PTPRD: variants seen among roughly 807,000 people sequenced by gnomAD.
The protein encoded by PTPRD is receptor-type tyrosine-protein phosphatase delta.
In PTPRD, 34 loss-of-function variants were observed where a neutral mutation model predicts 214.5. That is an observed-to-expected ratio of 0.16 (90% CI 0.12 to 0.21). The LOEUF is 0.21. PTPRD is among the 10% of genes least tolerant of loss of function. The pLI is 1.00. For missense variants in PTPRD, 2,545 were observed against 2,398.7 expected, an observed-to-expected ratio of 1.06 and a Z score of -1.27; for synonymous variants, 1,128 against 845.7, an observed-to-expected ratio of 1.33 and a Z score of -5.79.
At chr9:8,617,570 C>T (rs562344862) in intron 14 of PTPRD, among the ~76,000 whole-genome samples, 2 of 152,072 alleles carry the variant, frequency 1.3e-5, no homozygotes, top group African/African-American at 2.4e-5. Context: ...TCTGTAGCAC[C>T]TCTTGTCTAA....
chr9:9,014,711 A>C (rs908991711), intron 11 of PTPRD, among the ~76,000 whole-genome samples: 1 of 152,162 alleles, frequency 6.6e-6, no homozygotes, highest in African/African-American at 2.4e-5. Context: ...GTGTATGAAC[A>C]TGATGAAATG....
At chr9:9,762,619 GT>G (rs1013901786) in intron 6 of PTPRD, among the ~76,000 whole-genome samples, 91 of 152,236 alleles carry the variant, frequency 6.0e-4, no homozygotes, top group African/African-American at 2.1e-3. Context: ...ATTCAGCCAA[GT>G]TCTTTGCTGC....
chr9:9,129,086 G>C (rs1592096179), intron 10 of PTPRD, among the ~76,000 whole-genome samples: 1 of 152,158 alleles, frequency 6.6e-6, no homozygotes, highest in African/African-American at 2.4e-5. Flanking sequence ...CCTAACACAA[G>C]GCTTTATCTA....
intron 4 of PTPRD, among the ~76,000 whole-genome samples, chr9:9,998,469 G>A (rs761034931): frequency 6.6e-6 from 1 of 151,822 alleles, no homozygotes; most frequent in Non-Finnish European, 1.5e-5. Flanking sequence ...ATGACCTTAA[G>A]GGGCATCTCA....
At chr9:10,443,495 TA>T (rs2154524028) in intron 2 of PTPRD, among the ~76,000 whole-genome samples, 2 of 151,794 alleles carry the variant, frequency 1.3e-5, no homozygotes, top group African/African-American at 4.8e-5. Context: ...GAGCTCACAA[TA>T]ATACTGAGAA....
intron 2 of PTPRD, among the ~76,000 whole-genome samples, chr9:10,439,869 G>T (rs1305570689): frequency 6.6e-6 from 1 of 151,496 alleles, no homozygotes; most frequent in Non-Finnish European, 1.5e-5. Context: ...CATTTACACT[G>T]TACTGTTTAT....
chr9:9,439,526 C>T (rs2086673417), intron 8 of PTPRD, among the ~76,000 whole-genome samples: 1 of 152,156 alleles, frequency 6.6e-6, no homozygotes, highest in African/African-American at 2.4e-5. Flanking sequence ...TCATTTTCAA[C>T]AAGCTCAGCA....
At chr9:9,858,947 T>C (rs1390856611) in intron 5 of PTPRD, among the ~76,000 whole-genome samples, 1 of 152,074 alleles carries the variant, frequency 6.6e-6, no homozygotes, top group Non-Finnish European at 1.5e-5. Flanking sequence ...ACTGATACGG[T>C]TTGGCTCTGT....
chr9:10,485,135 T>A (rs1048648640), intron 2 of PTPRD, among the ~76,000 whole-genome samples: 1 of 152,060 alleles, frequency 6.6e-6, no homozygotes, highest in Non-Finnish European at 1.5e-5. Flanking sequence ...TTTTCTCCAG[T>A]GTATTTTTGG....
At chr9:9,740,325 A>G (rs776424864) in intron 6 of PTPRD, among the ~76,000 whole-genome samples, 1 of 151,582 alleles carries the variant, frequency 6.6e-6, no homozygotes, top group East Asian at 1.9e-4. Context: ...AACAGATACT[A>G]TTATGAAGTT....
chr9:9,574,150 A>G (rs1255683993), intron 8 of PTPRD, among the ~76,000 whole-genome samples: 1 of 151,954 alleles, frequency 6.6e-6, no homozygotes, highest in Non-Finnish European at 1.5e-5. Flanking sequence ...TCTGTAGTCA[A>G]TTATTAATAT....
At chr9:9,468,886 A>C (rs2146355953) in intron 8 of PTPRD, among the ~76,000 whole-genome samples, 1 of 152,250 alleles carries the variant, frequency 6.6e-6, no homozygotes, top group South Asian at 2.1e-4. Flanking sequence ...ATTTTTAATC[A>C]TTTTGATCAG....
At chr9:9,032,917 A>G (rs1462560578) in intron 10 of PTPRD, among the ~76,000 whole-genome samples, 1 of 151,924 alleles carries the variant, frequency 6.6e-6, no homozygotes, top group Non-Finnish European at 1.5e-5. Context: ...TCCCTTCCCC[A>G]TGTGCACTAG....
chr9:9,695,063 A>G (rs1384001637), intron 7 of PTPRD, among the ~76,000 whole-genome samples: 2 of 152,144 alleles, frequency 1.3e-5, no homozygotes, highest in Non-Finnish European at 1.5e-5. Context: ...AGCTGAGAGT[A>G]TGCTGGGTCT....
At chr9:8,755,531 A>T (rs111476389) in intron 11 of PTPRD, among the ~76,000 whole-genome samples, 8 of 141,336 alleles carry the variant, frequency 5.7e-5, no homozygotes, top group African/African-American at 1.4e-4. Flanking sequence ...CTCTGTCTCA[A>T]AAAAAAAAAA....
intron 7 of PTPRD, among the ~76,000 whole-genome samples, chr9:9,631,821 AC>A (rs1227929362): frequency 1.3e-5 from 2 of 152,128 alleles, no homozygotes; most frequent in South Asian, 2.1e-4. Context: ...AGAACAAATA[AC>A]CCAATTCAGC....
At chr9:8,525,582 C>T (rs1332787196) in intron 17 of PTPRD, among the ~76,000 whole-genome samples, 1 of 152,094 alleles carries the variant, frequency 6.6e-6, no homozygotes, top group Non-Finnish European at 1.5e-5. Context: ...AGAAACAAAA[C>T]TCCCTTAAGA....
intron 32 of PTPRD, among the ~76,000 whole-genome samples, chr9:8,463,398 G>C (rs2096469646): frequency 6.8e-6 from 1 of 146,102 alleles, no homozygotes; most frequent in African/African-American, 2.5e-5. Flanking sequence ...TAAGAAACAT[G>C]ATTTTTTATA....
intron 3 of PTPRD, among the ~76,000 whole-genome samples, chr9:10,180,342 A>G (rs1003303980): frequency 1.3e-5 from 2 of 151,972 alleles, no homozygotes; most frequent in African/African-American, 4.8e-5. Flanking sequence ...AACAGCCCAC[A>G]TGATCTGCAA....
Sources: allele counts gnomAD v4.1 joint callset (sites outside exome capture counted in the v4.1 genomes callset), GRCh38; gene constraint gnomAD v4.1.1; transcripts MANE v1.5; gene names NCBI Gene and HGNC (gene_info 2026-07-23, HGNC 2026-07-21).